PARVA: variants seen among roughly 807,000 people sequenced by gnomAD.
PARVA encodes the protein parvin alpha.
Under a neutral mutation model 52.6 loss-of-function variants are expected in PARVA, and 25 were observed. That is an observed-to-expected ratio of 0.48 (90% confidence interval 0.35 to 0.66). The LOEUF is 0.66. Ranked by LOEUF, PARVA falls within the 30% of genes least tolerant of loss-of-function variation. The probability of loss-of-function intolerance (pLI) is 0.01; values close to 1 mark genes in which losing one functional copy is unlikely to be tolerated. For synonymous variants in PARVA, 185 were observed against 179.1 expected (o/e 1.03, Z -0.26); for missense variants, 373 against 450.9 (o/e 0.83, Z 1.56).
rs796260631 is a variant in PARVA at position 12,481,428 on chromosome 11, A to AT, written c.400+3491dup. ...TGGACACGTTCAACAAGCTGCCCATATTTTTTTTTTTTCTGAGCATTTCCT... is the reference window on the plus strand; with the variant it reads ...TGGACACGTTCAACAAGCTGCCCATATTTTTTTTTTTTTCTGAGCATTTCCT... On this transcript the variant is annotated intron_variant, in intron 4 of 12. Transcript: ENST00000334956. Among the ~76,000 whole-genome samples the AT allele has an allele frequency of 5.0e-3, 716 of 143,110 alleles. 3 individuals carry two copies. Among genetic ancestry groups the AT allele is most frequent in the African/African-American group, 0.014 (567 of 39,118 alleles). 93.9% of individuals were successfully genotyped at this position (143,110 alleles called of 152,430 possible).
Position 12,531,443 on chromosome 11 carries a change from G to A in PARVA, c.*3518G>A, listed in dbSNP as rs1266603171. 1.3e-5 allele frequency among the ~76,000 whole-genome samples: 2 copies of A among 152,130 alleles called. No homozygotes were observed. Among genetic ancestry groups the A allele is most frequent in the Non-Finnish European group, 2.9e-5 (2 of 68,040 alleles). On this transcript the variant is annotated 3_prime_UTR_variant, in exon 13 of 13. Transcript: ENST00000334956. ...TGTAATTTTTCAATAACTAGACTCTGAGACATGTATACATTGTGGTTCAAA... is the reference window on the plus strand; with the variant it reads ...TGTAATTTTTCAATAACTAGACTCTAAGACATGTATACATTGTGGTTCAAA...
chr11:12,486,065 T>G (rs929733641), intron 4 of PARVA, among the ~76,000 whole-genome samples: 18 of 152,142 alleles, frequency 1.2e-4, no homozygotes, highest in African/African-American at 3.6e-4. Context: ...CCAGATAAGA[T>G]ATAGAGTTAA....
At chr11:12,516,027 C>G (rs1941563286) in intron 10 of PARVA, among the ~76,000 whole-genome samples, 1 of 152,192 alleles carries the variant, frequency 6.6e-6, no homozygotes, top group Admixed American at 6.5e-5. Context: ...TTAGTACAGA[C>G]AGGGTTTCAC....
chr11:12,476,928 G>A (rs1215251731), intron 3 of PARVA, among the ~76,000 whole-genome samples: 1 of 152,158 alleles, frequency 6.6e-6, no homozygotes, highest in African/African-American at 2.4e-5. Flanking sequence ...TAAGAAATTG[G>A]AGAAATGTCA....
intron 1 of PARVA, among the ~76,000 whole-genome samples, chr11:12,424,248 A>G (rs1202185546): frequency 6.6e-6 from 1 of 152,080 alleles, no homozygotes; most frequent in Non-Finnish European, 1.5e-5. Flanking sequence ...AGTGGTATGC[A>G]TTTGGTTAAT....
At chr11:12,431,762 C>T (rs563467468) in intron 1 of PARVA, among the ~76,000 whole-genome samples, 1 of 152,384 alleles carries the variant, frequency 6.6e-6, no homozygotes, top group Non-Finnish European at 1.5e-5. Context: ...CACTCCCTGC[C>T]AACTTCCTTC....
intron 1 of PARVA, among the ~76,000 whole-genome samples, chr11:12,378,716 A>C (rs1309926399): frequency 1.3e-5 from 2 of 151,374 alleles, no homozygotes; most frequent in Non-Finnish European, 2.9e-5. Context: ...TGTAGATAGA[A>C]GTTGCTGAGT....
intron 1 of PARVA, among the ~76,000 whole-genome samples, chr11:12,429,535 A>G (rs575910665): frequency 4.8e-4 from 73 of 152,336 alleles, no homozygotes; most frequent in Middle Eastern, 6.8e-3. Flanking sequence ...AATTCCATAT[A>G]GCCAATCCAT....
rs146279781 is a variant in PARVA, at chr11:12,514,069, G to C, written c.867+4G>C. On this transcript the variant is annotated splice_donor_region_variant and intron_variant, in intron 10 of 12. Transcript: ENST00000334956. Reference sequence around the variant, plus strand: ...GGTCACAGAACTGGAAACCCAGGTGGGTGACAGACCCCAGCACAGGTAGAG... The same window carrying C: ...GGTCACAGAACTGGAAACCCAGGTGCGTGACAGACCCCAGCACAGGTAGAG... 1.2e-6 allele frequency: 2 copies of C among 1,611,664 alleles called. No individual in the cohort carries two copies. The highest frequency in any genetic ancestry group is 1.7e-6 in the Non-Finnish European group (2 of 1,177,846).
intron 1 of PARVA, among the ~76,000 whole-genome samples, chr11:12,456,812 A>G (rs558465604): frequency 2.8e-4 from 43 of 152,200 alleles, no homozygotes; most frequent in African/African-American, 9.9e-4. Flanking sequence ...ATAGAGTACT[A>G]TGCTGTACTC....
chr11:12,493,452 A>G (rs1254389837), intron 4 of PARVA, among the ~76,000 whole-genome samples: 2 of 141,816 alleles, frequency 1.4e-5, no homozygotes, highest in Non-Finnish European at 3.2e-5. Flanking sequence ...ATCAATGCCT[A>G]AACTAAAATA....
At chr11:12,525,757 C>G (rs116652400) in intron 12 of PARVA, among the ~76,000 whole-genome samples, 216 of 151,990 alleles carry the variant, frequency 1.4e-3, no homozygotes, top group African/African-American at 4.9e-3. Context: ...ACCATGGGAG[C>G]AGAAACAGAA....
chr11:12,448,527 T>C (rs968627363), intron 1 of PARVA, among the ~76,000 whole-genome samples: 1 of 152,194 alleles, frequency 6.6e-6, no homozygotes, highest in African/African-American at 2.4e-5. Context: ...AGCAGATTCT[T>C]GGACAGGGAT....
At chr11:12,516,005 T>G (rs1371852342) in intron 10 of PARVA, among the ~76,000 whole-genome samples, 1 of 152,098 alleles carries the variant, frequency 6.6e-6, no homozygotes, top group African/African-American at 2.4e-5. Context: ...CCCGGTTAAT[T>G]TTTTTGTATT....
chr11:12,388,169 T>A (rs1203187501), intron 1 of PARVA, among the ~76,000 whole-genome samples: 1 of 152,226 alleles, frequency 6.6e-6, no homozygotes, highest in East Asian at 1.9e-4. Context: ...GAGGAGAAGA[T>A]GGCTGGAGGG....
chr11:12,505,120 C>T (rs973986899), intron 6 of PARVA, among the ~76,000 whole-genome samples: 3 of 152,198 alleles, frequency 2.0e-5, no homozygotes, highest in Non-Finnish European at 2.9e-5. Flanking sequence ...CCGCTCCTAA[C>T]CCCATTAAAT....
chr11:12,390,349 A>G (rs965502876), intron 1 of PARVA, among the ~76,000 whole-genome samples: 2 of 152,160 alleles, frequency 1.3e-5, no homozygotes, highest in Non-Finnish European at 2.9e-5. Flanking sequence ...TCTAATCACC[A>G]TGTTTAGGAA....
At chr11:12,493,229 G>A (rs1941254302) in intron 4 of PARVA, among the ~76,000 whole-genome samples, 2 of 151,862 alleles carry the variant, frequency 1.3e-5, no homozygotes, top group African/African-American at 4.8e-5. Flanking sequence ...GGTGGTGCAT[G>A]CCTGTAATCC....
intron 1 of PARVA, among the ~76,000 whole-genome samples, chr11:12,386,368 C>G (rs1422346624): frequency 1.3e-5 from 2 of 152,166 alleles, no homozygotes; most frequent in South Asian, 4.1e-4. Context: ...TCTGGAAATA[C>G]CTTTTCCGTT....
Sources: gnomAD v4.1 joint callset for allele counts (sites outside exome capture counted in the v4.1 genomes callset) on GRCh38, gnomAD v4.1.1 for gene constraint, MANE v1.5 for transcripts, NCBI Gene and HGNC (gene_info 2026-07-23, HGNC 2026-07-21) for gene names.